The following SNX29 variants were observed in gnomAD, a reference collection of about 807,000 sequenced individuals.
SNX29 encodes sorting nexin 29, also known as sorting nexin-29.
In SNX29, 78 loss-of-function variants were observed where a neutral mutation model predicts 102.1. The ratio of observed to expected loss-of-function variants is 0.76; its 90% CI spans 0.64 to 0.92. The LOEUF is 0.92. SNX29 is among the 40% of genes least tolerant of loss of function. The pLI is 0.00. For synonymous variants in SNX29, 580 were observed against 414.5 expected (o/e 1.40, Z -4.85); for missense variants, 1,280 against 1,061.7 (o/e 1.21, Z -2.86).
At chr16:12,054,559 G>T (rs1237503995) in intron 8 of SNX29, among the ~76,000 whole-genome samples, 1 of 152,244 alleles carries the variant, frequency 6.6e-6, no homozygotes, top group Admixed American at 6.5e-5. Context: ...GCTAGCTTCA[G>T]CTGGAACATG....
intron 20 of SNX29, among the ~76,000 whole-genome samples, chr16:12,560,543 G>GTC (rs1284874035): frequency 2.4e-4 from 36 of 152,236 alleles, no homozygotes; most frequent in African/African-American, 8.4e-4. Context: ...TCTATTTCTG[G>GTC]TTGAAACGTT....
chr16:12,274,171 T>C (rs2079174607), intron 14 of SNX29, among the ~76,000 whole-genome samples: 1 of 152,244 alleles, frequency 6.6e-6, no homozygotes, highest in Non-Finnish European at 1.5e-5. Context: ...GCCTCTCACG[T>C]GGCTTGCCTG....
intron 14 of SNX29, among the ~76,000 whole-genome samples, chr16:12,271,203 G>A (rs1423639004): frequency 6.6e-6 from 1 of 152,242 alleles, no homozygotes; most frequent in Non-Finnish European, 1.5e-5. Flanking sequence ...GCCTGGGTGT[G>A]GCTTAGCCAC....
chr16:12,155,710 G>C (rs549489757), intron 13 of SNX29, among the ~76,000 whole-genome samples: 3 of 152,314 alleles, frequency 2.0e-5, no homozygotes, highest in African/African-American at 4.8e-5. Context: ...GCAGCTGGGA[G>C]TGTGAGAGCA....
At chr16:12,450,173 C>T (rs932714201) in intron 18 of SNX29, among the ~76,000 whole-genome samples, 3 of 152,170 alleles carry the variant, frequency 2.0e-5, no homozygotes, top group Non-Finnish European at 2.9e-5. Context: ...ACTGTGAGTC[C>T]ATTAAACCTG....
intron 13 of SNX29, among the ~76,000 whole-genome samples, chr16:12,137,588 G>A (rs752347551): frequency 1.4e-4 from 21 of 152,144 alleles, no homozygotes; most frequent in Non-Finnish European, 2.5e-4. Flanking sequence ...CACCCCAGGC[G>A]ACCTTTATTG....
At chr16:12,549,239 T>C (rs2077807229) in intron 20 of SNX29, among the ~76,000 whole-genome samples, 1 of 152,214 alleles carries the variant, frequency 6.6e-6, no homozygotes, top group Non-Finnish European at 1.5e-5. Context: ...CTCATCCCTG[T>C]AATCCCAGCA....
rs149116107 is a variant in SNX29, at chr16:12,271,248, A to G, written c.1679-6685A>G. ...TCAGGGTCTCCCCTAAGGCTCTGTC[A>G]TGGTGTCAGTTGGAGGCTGCGGTTG... On this transcript the variant is annotated intron_variant, in intron 14 of 20. Transcript: ENST00000566228. Among the ~76,000 whole-genome samples, 764 of 152,340 alleles carry G rather than the reference A, an allele frequency of 5.0e-3. 10 individuals carry two copies. The highest frequency in any genetic ancestry group is 0.017 in the African/African-American group (723 of 41,584).
At chr16:12,368,933 A>G (rs1458459072) in intron 16 of SNX29, among the ~76,000 whole-genome samples, 1 of 152,042 alleles carries the variant, frequency 6.6e-6, no homozygotes, top group Non-Finnish European at 1.5e-5. Flanking sequence ...ACAGATATGG[A>G]TTCATCAAAA....
chr16:12,069,089 G>A lies in SNX29; in HGVS notation c.1276G>A (p.Gly426Arg). Residue 426 changes from glycine (G) to arginine (R), a missense_variant, in exon 10 of 21, where the codon GGA becomes AGA. Physicochemically the swap from Gly to Arg is moderately radical, Grantham distance 125. Transcript: ENST00000566228. Reference protein sequence around the residue: ...APLGSLENGTGPEDHVLPDPG... With the variant: ...APLGSLENGTRPEDHVLPDPG... ...CCTCGGAAGCCTGGAGAACGGGACA[G>A]GACCAGAGGACCACGTTCTCCCAGA... 1 of 1,613,812 alleles carries A rather than the reference G, an allele frequency of 6.2e-7. No individual in the cohort carries two copies.
chr16:12,509,042 C>T (rs1326729138), intron 19 of SNX29, among the ~76,000 whole-genome samples: 1 of 152,156 alleles, frequency 6.6e-6, no homozygotes, highest in Non-Finnish European at 1.5e-5. Context: ...AACATTTTGT[C>T]TCCATTATGG....
At chr16:12,534,791 G>T (rs1021486047) in intron 20 of SNX29, among the ~76,000 whole-genome samples, 3 of 152,100 alleles carry the variant, frequency 2.0e-5, no homozygotes, top group Non-Finnish European at 4.4e-5. Flanking sequence ...TTTAACTAAG[G>T]GCAATTTTGC....
At chr16:12,080,893 GGGC>G (rs1351267925) in intron 11 of SNX29, among the ~76,000 whole-genome samples, 94 of 151,026 alleles carry the variant, frequency 6.2e-4, no homozygotes, top group African/African-American at 2.1e-3. Flanking sequence ...CATGTTGGCC[GGGC>G]TGGTCTTGAA....
At chr16:12,186,488 C>A (rs1002306379) in intron 13 of SNX29, among the ~76,000 whole-genome samples, 4 of 152,194 alleles carry the variant, frequency 2.6e-5, no homozygotes, top group African/African-American at 9.7e-5. Context: ...TACTTCCTTA[C>A]ACGACCGCAG....
At chr16:12,550,478 T>G (rs900836118) in intron 20 of SNX29, among the ~76,000 whole-genome samples, 6 of 147,758 alleles carry the variant, frequency 4.1e-5, no homozygotes, top group African/African-American at 1.3e-4. Flanking sequence ...GAGGTTGGAG[T>G]GAGCTGACAT....
rs953557473 is a variant in SNX29 at position 12,573,755 on chromosome 16, A to G, written c.*5126A>G. On this transcript the variant is annotated 3_prime_UTR_variant, in exon 21 of 21. Coordinates refer to ENST00000566228, the MANE Select transcript of SNX29 (RefSeq NM_032167.5). ...TCGTACATTTGCACCCAGAGCTACTAAACGCTCAGTGACCCCAGAGACCAT... is the reference window on the plus strand; with the variant it reads ...TCGTACATTTGCACCCAGAGCTACTGAACGCTCAGTGACCCCAGAGACCAT... The G allele has an allele frequency of 3.6e-5, 8 of 222,956 alleles. No individual in the cohort carries two copies. The highest frequency in any genetic ancestry group is 1.3e-4 in the East Asian group (2 of 15,340). The allele number at this position is 222,956 out of a possible 1,614,324, so 13.8% of individuals were successfully genotyped here.
chr16:12,013,345 T>C (rs2056717424), intron 3 of SNX29, among the ~76,000 whole-genome samples: 1 of 149,792 alleles, frequency 6.7e-6, no homozygotes, highest in Non-Finnish European at 1.5e-5. Flanking sequence ...AAAACAACAG[T>C]CAAGATTATT....
chr16:12,509,658 C>T (rs1451530632), intron 19 of SNX29, among the ~76,000 whole-genome samples: 1 of 152,156 alleles, frequency 6.6e-6, no homozygotes, highest in African/African-American at 2.4e-5. Flanking sequence ...GTGGCTTACA[C>T]CTGTAATCGC....
At chr16:12,472,722 G>A (rs1161316579) in intron 18 of SNX29, among the ~76,000 whole-genome samples, 2 of 151,802 alleles carry the variant, frequency 1.3e-5, no homozygotes, top group Non-Finnish European at 2.9e-5. Flanking sequence ...AGCTTGTTTT[G>A]GATTCTGTTC....
Sources: gnomAD v4.1 joint callset for allele counts (sites outside exome capture counted in the v4.1 genomes callset) on GRCh38, gnomAD v4.1.1 for gene constraint, MANE v1.5 for transcripts, NCBI Gene and HGNC (gene_info 2026-07-23, HGNC 2026-07-21) for gene names.